Variants in ZEB1 observed in about 807,000 individuals in gnomAD.
ZEB1 encodes the protein zinc finger E-box-binding homeobox 1.
Under a neutral mutation model 84.9 loss-of-function variants are expected in ZEB1, and 21 were observed. The observed-to-expected ratio is 0.25, with a 90% CI of 0.18 to 0.36. The LOEUF (loss-of-function observed/expected upper bound fraction) is 0.36, where lower values mean the gene tolerates loss of function less well. ZEB1 is among the 10% of genes least tolerant of loss of function. The probability of loss-of-function intolerance (pLI) is 1.00; values close to 1 mark genes in which losing one functional copy is unlikely to be tolerated. For missense variants in ZEB1, 1,104 were observed against 1,330.2 expected (o/e 0.83, Z 2.65); for synonymous variants, 420 against 471.1 (o/e 0.89, Z 1.41).
Position 31,528,437 on chromosome 10 carries a change from T to G in ZEB1, c.*1173T>G, listed in dbSNP as rs1177232734. ...CATGGACATGCTATTGTTATTTGGC[T>G]CATAACTGTTTCCAAATGTTAGTTA... On this transcript the variant is annotated 3_prime_UTR_variant, in exon 9 of 9. Transcript: ENST00000424869. 1 of 152,240 alleles carries G rather than the reference T, an allele frequency of 6.6e-6. No homozygotes were observed. Among genetic ancestry groups the G allele is most frequent in the Non-Finnish European group, 1.5e-5 (1 of 68,040 alleles). The allele number at this position is 152,240 out of a possible 1,614,324, so 9.4% of individuals were successfully genotyped here. A position where few individuals can be genotyped will look rare whatever the true frequency, so the allele number is the denominator to read the frequency against.
chr10:31,504,752 C>A (rs989019653), intron 4 of ZEB1, among the ~76,000 whole-genome samples: 1 of 151,868 alleles, frequency 6.6e-6, no homozygotes, highest in African/African-American at 2.4e-5. Flanking sequence ...TATTTCTCGT[C>A]TAGTTCATTA....
intron 1 of ZEB1, among the ~76,000 whole-genome samples, chr10:31,395,185 G>A (rs1564705400): frequency 6.6e-6 from 1 of 152,148 alleles, no homozygotes; most frequent in Non-Finnish European, 1.5e-5. Context: ...TAACAACAGT[G>A]TGCTAACAAA....
chr10:31,497,238 A>G (rs994008400), intron 3 of ZEB1, among the ~76,000 whole-genome samples: 1 of 152,132 alleles, frequency 6.6e-6, no homozygotes, highest in Non-Finnish European at 1.5e-5. Flanking sequence ...ACAGAAGACA[A>G]CTTGCCCTTC....
At chr10:31,499,638 G>A (rs1206336503) in intron 3 of ZEB1, among the ~76,000 whole-genome samples, 1 of 152,086 alleles carries the variant, frequency 6.6e-6, no homozygotes, top group Admixed American at 6.5e-5. Flanking sequence ...GGTGATGCAC[G>A]CTTGTAATCC....
At chr10:31,324,364 T>C (rs1473049868) in intron 1 of ZEB1, among the ~76,000 whole-genome samples, 3 of 152,050 alleles carry the variant, frequency 2.0e-5, no homozygotes, top group Admixed American at 6.5e-5. Flanking sequence ...CATAATGATT[T>C]CTCATAGTTG....
At chr10:31,466,846 C>G (rs1307689442) in intron 2 of ZEB1, among the ~76,000 whole-genome samples, 1 of 151,924 alleles carries the variant, frequency 6.6e-6, no homozygotes, top group Non-Finnish European at 1.5e-5. Flanking sequence ...ATAAAATCAA[C>G]AAACATTTAG....
chr10:31,380,083 C>T (rs988650153), intron 1 of ZEB1, among the ~76,000 whole-genome samples: 2 of 152,132 alleles, frequency 1.3e-5, no homozygotes, highest in Admixed American at 1.3e-4. Flanking sequence ...CAACCAAGAT[C>T]TGTATAGCAT....
intron 1 of ZEB1, among the ~76,000 whole-genome samples, chr10:31,341,545 A>G (rs1482862267): frequency 6.6e-6 from 1 of 152,186 alleles, no homozygotes; most frequent in Non-Finnish European, 1.5e-5. Context: ...GAAGGCTAAC[A>G]AGGCAGTTAA....
At chr10:31,392,173 A>T (rs1438118963) in intron 1 of ZEB1, among the ~76,000 whole-genome samples, 1 of 152,158 alleles carries the variant, frequency 6.6e-6, no homozygotes, top group Admixed American at 6.6e-5. Flanking sequence ...ACTAGTTAAC[A>T]TTAAAATGGC....
chr10:31,345,350 G>A (rs960465594), intron 1 of ZEB1, among the ~76,000 whole-genome samples: 3 of 152,106 alleles, frequency 2.0e-5, no homozygotes, highest in Non-Finnish European at 4.4e-5. Flanking sequence ...ACCTGTTAAA[G>A]TAGAAACATT....
chr10:31,515,770 C>T (rs886236797), intron 6 of ZEB1, among the ~76,000 whole-genome samples: 1 of 152,014 alleles, frequency 6.6e-6, no homozygotes, highest in Non-Finnish European at 1.5e-5. Flanking sequence ...ATTATTGTTT[C>T]TAAAAAGTAG....
At chr10:31,450,853 A>T (rs571011542) in intron 1 of ZEB1, among the ~76,000 whole-genome samples, 48 of 150,768 alleles carry the variant, frequency 3.2e-4, no homozygotes, top group African/African-American at 1.1e-3. Flanking sequence ...GGACCATTGC[A>T]TATTTTATTT....
chr10:31,512,468 C>G (rs187575873), intron 5 of ZEB1, among the ~76,000 whole-genome samples: 63 of 152,176 alleles, frequency 4.1e-4, no homozygotes, highest in African/African-American at 1.4e-3. Flanking sequence ...GGAAATATAA[C>G]TGGGAGGTCT....
chr10:31,339,052 A>G (rs2038835696), intron 1 of ZEB1, among the ~76,000 whole-genome samples: 1 of 152,166 alleles, frequency 6.6e-6, no homozygotes, highest in South Asian at 2.1e-4. Context: ...GCACCAGGCA[A>G]AGAGAGAAGA....
intron 1 of ZEB1, among the ~76,000 whole-genome samples, chr10:31,452,736 TGTGTGTGAGA>T (rs57660065): frequency 0.037 from 4,121 of 111,914 alleles, 159 homozygotes; most frequent in African/African-American, 0.17. Context: ...TGTGTGTGTG[TGTGTGTGAGA>T]GAGAGAGAGA....
At chr10:31,522,117 T>C (rs1022732857) in intron 7 of ZEB1, among the ~76,000 whole-genome samples, 181 bp downstream of exon 7, 1 of 152,240 alleles carries the variant, frequency 6.6e-6, no homozygotes, top group African/African-American at 2.4e-5. Context: ...GGTTGTTTGC[T>C]AATCCAGGGT....
chr10:31,372,199 A>G (rs1004898577), intron 1 of ZEB1, among the ~76,000 whole-genome samples: 20 of 152,184 alleles, frequency 1.3e-4, no homozygotes, highest in African/African-American at 4.8e-4. Flanking sequence ...TCTTTCCTTC[A>G]TGTTTTCAGT....
intron 1 of ZEB1, chr10:31,363,629 C>T (rs1181639190): frequency 1.3e-6 from 2 of 1,497,384 alleles, no homozygotes; most frequent in Admixed American, 3.9e-5. Context: ...GCTGGGATCA[C>T]CTGATCATCT....
At chr10:31,425,225 G>T (rs1232984263) in intron 1 of ZEB1, among the ~76,000 whole-genome samples, 2 of 151,980 alleles carry the variant, frequency 1.3e-5, no homozygotes, top group Non-Finnish European at 2.9e-5. Context: ...AATTGAATTT[G>T]AGTTAGACAG....
Sources: gnomAD v4.1 joint callset for allele counts (sites outside exome capture counted in the v4.1 genomes callset) on GRCh38, gnomAD v4.1.1 for gene constraint, MANE v1.5 for transcripts, NCBI Gene and HGNC (gene_info 2026-07-23, HGNC 2026-07-21) for gene names.